The following SEC24B variants were observed in gnomAD, a reference collection of about 807,000 sequenced individuals.
The protein encoded by SEC24B is protein transport protein Sec24B.
A neutral mutation model predicts 142.8 loss-of-function variants in SEC24B; 45 were observed. The observed-to-expected ratio is 0.32, with a 90% CI of 0.25 to 0.40. SEC24B has a LOEUF of 0.40. SEC24B is among the 10% of genes least tolerant of loss of function. The pLI is 1.00. For missense variants in SEC24B, 1,409 were observed against 1,526.8 expected (o/e 0.92, Z 1.29); for synonymous variants, 574 against 568.2 (o/e 1.01, Z -0.15).
At position 109,456,693 on chromosome 4, in the gene SEC24B, C is replaced by T. The variant is rs115110231; in HGVS notation, c.134-6208C>T. Among the ~76,000 whole-genome samples, 643 of 152,308 alleles carry T rather than the reference C, an allele frequency of 4.2e-3. 3 individuals carry two copies. The highest frequency in any genetic ancestry group is 0.014 in the African/African-American group (600 of 41,572). On this transcript the variant is annotated intron_variant, in intron 1 of 23. Transcript: ENST00000265175. ...TTAAGTCTGTTAATATGTTGAATCA[C>T]ATTGAATGTATTTCAAATGGTCAGT...
chr4:109,535,519 G>A (rs1316296885), intron 22 of SEC24B, among the ~76,000 whole-genome samples: 1 of 151,422 alleles, frequency 6.6e-6, no homozygotes, highest in Non-Finnish European at 1.5e-5. Flanking sequence ...TTGCGCCACT[G>A]CACTCCAACC....
intron 3 of SEC24B, among the ~76,000 whole-genome samples, chr4:109,479,000 A>C (rs1006495136): frequency 2.4e-4 from 37 of 152,130 alleles, no homozygotes; most frequent in African/African-American, 7.2e-4. Context: ...GCTAATCTCC[A>C]CAAGAGATTT....
Position 109,527,343 on chromosome 4 carries a change from A to G in SEC24B, c.2987A>G (p.His996Arg), listed in dbSNP as rs1467641247. ...SSKGERRIRV[H>R]TLCLPVVSSL... ...TTAGGTGAGCGGAGAATTAGAGTAC[A>G]TACACTTTGTTTGCCAGTGGTAAGT... The change falls in exon 18 of 24, where the codon CAT (histidine) becomes CGT (arginine). Residue 996 changes from histidine to arginine, a missense_variant. By Grantham distance (29) the His-to-Arg change is conservative. Transcript: ENST00000265175. 2 of 1,612,610 alleles carry G rather than the reference A, an allele frequency of 1.2e-6. No homozygotes were observed. Among genetic ancestry groups the G allele is most frequent in the East Asian group, 2.2e-5 (1 of 44,816 alleles).
intron 10 of SEC24B, among the ~76,000 whole-genome samples, chr4:109,515,181 A>G (rs1737795137): frequency 6.6e-6 from 1 of 152,022 alleles, no homozygotes; most frequent in South Asian, 2.1e-4. Flanking sequence ...GCTCACTGCA[A>G]GCTCTGCCTC....
chr4:109,506,027 A>G (rs1736649441), intron 6 of SEC24B, among the ~76,000 whole-genome samples: 1 of 152,222 alleles, frequency 6.6e-6, no homozygotes, highest in African/African-American at 2.4e-5. Flanking sequence ...CCTTGAGAAC[A>G]GTGGGGCACT....
At chr4:109,464,259 C>G (rs1343533767) in intron 2 of SEC24B, among the ~76,000 whole-genome samples, 2 of 151,222 alleles carry the variant, frequency 1.3e-5, no homozygotes, top group Non-Finnish European at 2.9e-5. Flanking sequence ...TAAATTTTTT[C>G]ATTTAAAAAT....
chr4:109,494,907 T>G (rs1414610862), intron 6 of SEC24B, 51 bp downstream of exon 6: 1 of 1,594,994 alleles, frequency 6.3e-7, no homozygotes, highest in Non-Finnish European at 8.6e-7. Flanking sequence ...AACTTAATTC[T>G]GACAAGTTAC....
intron 1 of SEC24B, chr4:109,449,646 T>G: frequency 2.5e-6 from 1 of 393,296 alleles, no homozygotes; most frequent in South Asian, 1.9e-5. Flanking sequence ...GGCCTTTTCT[T>G]GGTATGTGCA....
At chr4:109,484,276 G>A (rs1283344521) in intron 4 of SEC24B, among the ~76,000 whole-genome samples, 4 of 152,114 alleles carry the variant, frequency 2.6e-5, no homozygotes, top group Non-Finnish European at 2.9e-5. Context: ...TTTATCTGAG[G>A]TTTCCTCATG....
chr4:109,525,264 AT>A lies in SEC24B; in HGVS notation c.2633-81del, dbSNP rs543664398. The A allele has an allele frequency of 6.9e-4, 821 of 1,182,862 alleles. 16 individuals are homozygous for A. In the South Asian group the frequency reaches 0.015, roughly 22 times the overall value. 73.3% of individuals were successfully genotyped at this position (1,182,862 alleles called of 1,614,324 possible). On this transcript the variant is annotated intron_variant, in intron 15 of 23. Coordinates refer to ENST00000265175, the MANE Select transcript of SEC24B (RefSeq NM_006323.5). ...GTTTTCTCATGACTTAGATTTCTTC[AT>A]AATGTAGAATCTGTACTACTGTTGG...
chr4:109,491,720 G>T (rs1040356086), intron 5 of SEC24B, among the ~76,000 whole-genome samples: 4 of 151,410 alleles, frequency 2.6e-5, no homozygotes, highest in African/African-American at 4.9e-5. Flanking sequence ...TATTTCTATT[G>T]TCATGCTTAG....
At chr4:109,500,412 C>T (rs530453121) in intron 6 of SEC24B, among the ~76,000 whole-genome samples, 3 of 151,634 alleles carry the variant, frequency 2.0e-5, no homozygotes, top group South Asian at 4.2e-4. Context: ...GGCATTGTGG[C>T]GAGTGCCTGT....
intron 4 of SEC24B, among the ~76,000 whole-genome samples, chr4:109,485,104 G>A (rs1270679239): frequency 6.6e-6 from 1 of 152,112 alleles, no homozygotes; most frequent in Non-Finnish European, 1.5e-5. Flanking sequence ...TTGTGATAAT[G>A]ATAGTAACAA....
Position 109,532,646 on chromosome 4 carries a change from T to A in SEC24B, c.3398T>A (p.Val1133Glu). 6.2e-7 allele frequency: 1 copy of A among 1,612,054 alleles called. No homozygotes were observed. Among genetic ancestry groups the A allele is most frequent in the Non-Finnish European group, 8.5e-7 (1 of 1,178,164 alleles). ...CTCTCTTTTTCTTTTCAGGGTGCAG[T>A]ACATGTTAATGACAGGATTGTACCA... is the stretch of plus-strand genomic sequence containing the variant. The part of the protein sequence containing the change: ...RIDRLTDEGA[V>E]HVNDRIVPQP... Residue 1133 changes from valine (V) to glutamate (E), a missense_variant, in exon 21 of 24, where the codon GTA becomes GAA. Physicochemically the swap from Val to Glu is moderately radical, Grantham distance 121. Coordinates refer to ENST00000265175, the MANE Select transcript of SEC24B (RefSeq NM_006323.5).
chr4:109,473,340 TTTTGTA>T (rs1236234815), intron 3 of SEC24B, among the ~76,000 whole-genome samples, 154 bp downstream of exon 3: 1 of 152,222 alleles, frequency 6.6e-6, no homozygotes, highest in Non-Finnish European at 1.5e-5. Flanking sequence ...TTACATACCA[TTTTGTA>T]TTTTGCTTTT....
At chr4:109,453,199 T>C (rs964634549) in intron 1 of SEC24B, among the ~76,000 whole-genome samples, 1 of 152,110 alleles carries the variant, frequency 6.6e-6, no homozygotes, top group Non-Finnish European at 1.5e-5. Flanking sequence ...AAGATCAGGG[T>C]GAGATCTCAA....
chr4:109,498,143 C>G (rs2126017379), intron 6 of SEC24B, among the ~76,000 whole-genome samples: 1 of 152,268 alleles, frequency 6.6e-6, no homozygotes, highest in Admixed American at 6.5e-5. Context: ...AAATCATACT[C>G]AGACTTGATA....
rs1356017741 is a variant in SEC24B at position 109,532,832 on chromosome 4, C to A, written c.3495+89C>A. On this transcript the variant is annotated intron_variant, in intron 21 of 23. Coordinates refer to ENST00000265175, the MANE Select transcript of SEC24B (RefSeq NM_006323.5). ...ATAGGGTCCAGCTGTTATCACAGAG[C>A]AAGTAGTGAAAGGTGAATTAGGATT... 17 of 647,160 alleles carry A rather than the reference C, an allele frequency of 2.6e-5. No homozygotes were observed. In the East Asian group the frequency reaches 3.9e-4, roughly 15 times the overall value. 40.1% of individuals were successfully genotyped at this position (647,160 alleles called of 1,614,324 possible). A position where few individuals can be genotyped will look rare whatever the true frequency, so the allele number is the denominator to read the frequency against.
chr4:109,455,156 C>G (rs1301510859), intron 1 of SEC24B, among the ~76,000 whole-genome samples: 2 of 152,154 alleles, frequency 1.3e-5, no homozygotes, highest in African/African-American at 4.8e-5. Context: ...GGGAGCTGCC[C>G]CTTTGGCCTC....
Sources: allele counts gnomAD v4.1 joint callset (sites outside exome capture counted in the v4.1 genomes callset), GRCh38; gene constraint gnomAD v4.1.1; transcripts MANE v1.5; gene names NCBI Gene and HGNC (gene_info 2026-07-23, HGNC 2026-07-21).